KNTC1: variants seen among roughly 807,000 people sequenced by gnomAD.
The protein encoded by KNTC1 is kinetochore-associated protein 1.
KNTC1 carries 253 observed loss-of-function variants against 314.4 expected under a neutral mutation model. That is an observed-to-expected ratio of 0.80 (90% CI 0.73 to 0.89). KNTC1 has a LOEUF of 0.89. Among genes scored for constraint, KNTC1 ranks in the 40% least tolerant of loss-of-function variants. The pLI, the probability that KNTC1 is intolerant of heterozygous loss-of-function variation, is 0.00. For missense variants in KNTC1, 2,475 were observed against 2,572.9 expected (o/e 0.96, Z 0.82); for synonymous variants, 901 against 901.4 (o/e 1.00, Z 0.01).
Position 122,579,905 on chromosome 12 carries a change from G to T in KNTC1, c.2842G>T (p.Gly948Cys), listed in dbSNP as rs1394188711. 1 of 1,602,024 alleles carries T rather than the reference G, an allele frequency of 6.2e-7. No individual in the cohort carries two copies. Among genetic ancestry groups the T allele is most frequent in the African/African-American group, 1.3e-5 (1 of 74,676 alleles). The change falls in exon 32 of 64, where the codon GGC (glycine) becomes TGC (cysteine). Residue 948 changes from glycine to cysteine, a missense_variant and splice_region_variant. Transcript: ENST00000333479. ...TTTCGCTTTATTTATTTATTTTTAG[G>T]GCAAGGCCTGGAGAATGTCTGTAGC... is the stretch of plus-strand genomic sequence containing the variant. The part of the protein sequence containing the change: ...LQEEPDHSKE[G>C]KAWRMSVAKT...
intron 12 of KNTC1, among the ~76,000 whole-genome samples, chr12:122,549,099 A>G (rs1241819277): frequency 6.6e-6 from 1 of 152,190 alleles, no homozygotes; most frequent in Non-Finnish European, 1.5e-5. Context: ...TCACCCAGAC[A>G]GGAGTGTGTG....
chr12:122,613,281 T>G (rs897918848), intron 54 of KNTC1, 51 bp downstream of exon 54: 1 of 1,236,068 alleles, frequency 8.1e-7, no homozygotes, highest in Non-Finnish European at 1.2e-6. Flanking sequence ...AGATCATTTT[T>G]TGGAGCTGTA....
intron 42 of KNTC1, among the ~76,000 whole-genome samples, chr12:122,592,332 C>T (rs568859624): frequency 6.6e-6 from 1 of 152,178 alleles, no homozygotes; most frequent in East Asian, 1.9e-4. Context: ...CTGTGCAGCC[C>T]GAGCCTCCCC....
At position 122,546,474 on chromosome 12, in the gene KNTC1, A is replaced by G. The variant is rs1351801565; in HGVS notation, c.764-148A>G. ...TTTTGGGAGGTTTTACATTTTAGTA[A>G]TCACCTAACAGAAATAGAGGCAGGA... On this transcript the variant is annotated intron_variant, in intron 9 of 63. Coordinates refer to ENST00000333479, the MANE Select transcript of KNTC1 (RefSeq NM_014708.6). The G allele has an allele frequency of 1.1e-5, 7 of 657,216 alleles. No individual in the cohort carries two copies. The African/African-American group carries it at 1.3e-4, about 12-fold the overall frequency. 40.7% of individuals were successfully genotyped at this position (657,216 alleles called of 1,614,324 possible).
chr12:122,554,076 A>AAAAAT lies in KNTC1; in HGVS notation c.1272+2381_1272+2382insAAATA, dbSNP rs370146333. Among the ~76,000 whole-genome samples, 405 of 109,030 alleles carry AAAAAT rather than the reference A, an allele frequency of 3.7e-3. 2 individuals are homozygous for AAAAAT. Among genetic ancestry groups the AAAAAT allele is most frequent in the African/African-American group, 9.9e-3 (254 of 25,698 alleles). The allele number at this position is 109,030 out of a possible 152,430, so 71.5% of individuals were successfully genotyped here. A position where few individuals can be genotyped will look rare whatever the true frequency, so the allele number is the denominator to read the frequency against. ...CAGAATACTTCCTTAAAAAAAAAAA[A>AAAAAT]ATATATATATATATATATATATATT... is the stretch of plus-strand genomic sequence containing the variant. On this transcript the variant is annotated intron_variant, in intron 16 of 63. Coordinates refer to ENST00000333479, the MANE Select transcript of KNTC1 (RefSeq NM_014708.6).
At chr12:122,527,992 CAA>C (rs1304837069) in intron 1 of KNTC1, among the ~76,000 whole-genome samples, 3 of 152,162 alleles carry the variant, frequency 2.0e-5, no homozygotes, top group Admixed American at 2.0e-4. Context: ...GGTAGCATAA[CAA>C]GATACGTATT....
intron 20 of KNTC1, among the ~76,000 whole-genome samples, chr12:122,566,435 A>T (rs1376351307): frequency 7.2e-6 from 1 of 138,210 alleles, no homozygotes; most frequent in Non-Finnish European, 1.6e-5. Context: ...TTTAATACGG[A>T]CTCTCACTTT....
At chr12:122,591,269 C>T (rs1212387174) in intron 41 of KNTC1, 68 bp from the exon 42 acceptor site, 7 of 814,762 alleles carry the variant, frequency 8.6e-6, no homozygotes, top group South Asian at 2.8e-5. Context: ...TGTTGCGTTT[C>T]GTCTAAAAGG....
intron 16 of KNTC1, among the ~76,000 whole-genome samples, chr12:122,556,669 G>T (rs1240166886): frequency 6.6e-6 from 1 of 151,180 alleles, no homozygotes; most frequent in African/African-American, 2.4e-5. Flanking sequence ...AACCATATTG[G>T]CCAGGCTGGT....
At chr12:122,537,280 C>T (rs1961917661) in intron 3 of KNTC1, among the ~76,000 whole-genome samples, 1 of 152,138 alleles carries the variant, frequency 6.6e-6, no homozygotes, top group Admixed American at 6.6e-5. Context: ...TTTCATGTCT[C>T]CTGTGAGCTT....
rs779596777 is a variant in KNTC1, at chr12:122,547,408, A to G, written c.817-7A>G. On this transcript the variant is annotated splice_polypyrimidine_tract_variant and splice_region_variant and intron_variant, in intron 10 of 63. Transcript: ENST00000333479. ...AAGGACATGTAAATGAAATGTCTCTATTGCAGAACGTGCTGAGTTTATGGG... is the reference window on the plus strand; with the variant it reads ...AAGGACATGTAAATGAAATGTCTCTGTTGCAGAACGTGCTGAGTTTATGGG... 1.3e-6 allele frequency: 2 copies of G among 1,553,896 alleles called. No homozygotes were observed. Among genetic ancestry groups the G allele is most frequent in the South Asian group, 1.1e-5 (1 of 89,228 alleles).
At chr12:122,578,965 C>T (rs926842782) in intron 31 of KNTC1, among the ~76,000 whole-genome samples, 3 of 145,666 alleles carry the variant, frequency 2.1e-5, no homozygotes, top group Admixed American at 7.0e-5. Context: ...GACTTTTTTC[C>T]AAGGTTGTTA....
rs1429688832 is a variant in KNTC1 at position 122,613,712 on chromosome 12, A to G, written c.5828A>G (p.Lys1943Arg). 1 of 1,613,276 alleles carries G rather than the reference A, an allele frequency of 6.2e-7. No homozygotes were observed. The highest frequency in any genetic ancestry group is 2.2e-5 in the East Asian group (1 of 44,826). The change falls in exon 55 of 64, where the codon AAA becomes AGA. Residue 1943 changes from lysine to arginine, a missense_variant. Coordinates refer to ENST00000333479, the MANE Select transcript of KNTC1 (RefSeq NM_014708.6). ...TATGAATTATTTTGCAGCAGTCCTA[A>G]AGAAGGAATGATTAAGGGTCTGTGG... ...ITYELFCSSP[K>R]EGMIKGLWKN...
chr12:122,561,192 G>A (rs1963944376), intron 18 of KNTC1, among the ~76,000 whole-genome samples: 1 of 151,814 alleles, frequency 6.6e-6, no homozygotes, highest in Non-Finnish European at 1.5e-5. Flanking sequence ...GCGCATGCTT[G>A]TAATCCCAGC....
chr12:122,564,995 C>T (rs1407958078), intron 20 of KNTC1, among the ~76,000 whole-genome samples: 1 of 152,172 alleles, frequency 6.6e-6, no homozygotes, highest in Non-Finnish European at 1.5e-5. Flanking sequence ...TTCATCCAAA[C>T]TTGGCTTCCA....
chr12:122,527,977 G>A (rs1960887022), intron 1 of KNTC1, among the ~76,000 whole-genome samples: 1 of 152,098 alleles, frequency 6.6e-6, no homozygotes, highest in Non-Finnish European at 1.5e-5. Flanking sequence ...TTGCTTTTTT[G>A]TGGAGGTAGC....
rs1331173157 is a variant in KNTC1 at position 122,565,255 on chromosome 12, A to ATT, written c.1604+2556_1604+2557insTT. On this transcript the variant is annotated intron_variant, in intron 20 of 63. Coordinates refer to ENST00000333479, the MANE Select transcript of KNTC1 (RefSeq NM_014708.6). ...CTCTTGAGTTGTTTTTTTTTTTTAA[A>ATT]AAAAAAAAAACAGAGCTATTTCTGT... 4.0e-5 allele frequency among the ~76,000 whole-genome samples: 5 copies of ATT among 125,292 alleles called. No homozygotes were observed. The South Asian group carries it at 8.4e-4, about 21-fold the overall frequency. 82.2% of individuals were successfully genotyped at this position (125,292 alleles called of 152,430 possible).
At chr12:122,605,129 T>C in intron 50 of KNTC1, 42 bp downstream of exon 50, 1 of 1,521,788 alleles carries the variant, frequency 6.6e-7, no homozygotes, top group Non-Finnish European at 9.0e-7. Context: ...GAAAAGCTAT[T>C]ATTTTGATTC....
chr12:122,580,608 C>A lies in KNTC1; in HGVS notation c.2920C>A (p.Leu974Met). 6.4e-7 allele frequency: 1 copy of A among 1,556,906 alleles called. No homozygotes were observed. The highest frequency in any genetic ancestry group is 1.2e-5 in the South Asian group (1 of 83,196). The part of the protein sequence containing the change: ...KILCDIQKDN[L>M]QKKDECEEML... ...TTTTAAAAATTTAATTACAGACAAT[C>A]TGCAGAAGAAGGACGAATGTGAAGA... The change falls in exon 33 of 64, where the codon CTG (leucine) becomes ATG (methionine). Residue 974 changes from leucine (L) to methionine (M), a missense_variant. Coordinates refer to ENST00000333479, the MANE Select transcript of KNTC1 (RefSeq NM_014708.6).
Sources: allele counts gnomAD v4.1 joint callset (sites outside exome capture counted in the v4.1 genomes callset), GRCh38; gene constraint gnomAD v4.1.1; transcripts MANE v1.5; gene names NCBI Gene and HGNC (gene_info 2026-07-23, HGNC 2026-07-21).